NAV3: variants seen among roughly 807,000 people sequenced by gnomAD.
NAV3 encodes the protein pore membrane and/or filament interacting like protein 1.
NAV3 carries 87 observed loss-of-function variants against 244.7 expected under a neutral mutation model. That is an observed-to-expected ratio of 0.36 (90% CI 0.30 to 0.42). The LOEUF (loss-of-function observed/expected upper bound fraction) is 0.42, where lower values mean the gene tolerates loss of function less well. NAV3 is among the 20% of genes least tolerant of loss of function. NAV3 has a pLI of 1.00. For missense variants in NAV3, 2,663 were observed against 2,893.3 expected, an observed-to-expected ratio of 0.92 and a Z score of 1.83; for synonymous variants, 1,126 against 1,042.2, an observed-to-expected ratio of 1.08 and a Z score of -1.55.
intron 2 of NAV3, among the ~76,000 whole-genome samples, chr12:77,707,280 T>G: frequency 6.8e-6 from 1 of 146,320 alleles, no homozygotes; most frequent in Admixed American, 6.9e-5. Flanking sequence ...CATTGTTCAA[T>G]TCCCATCTAT....
chr12:77,838,759 A>G (rs916115722), intron 1 of NAV3, among the ~76,000 whole-genome samples: 2 of 152,360 alleles, frequency 1.3e-5, no homozygotes, highest in African/African-American at 4.8e-5. Context: ...ATTAAGTGGT[A>G]TAATTAAAAG....
chr12:78,023,002 T>C (rs1436505162), intron 9 of NAV3, among the ~76,000 whole-genome samples: 2 of 152,090 alleles, frequency 1.3e-5, no homozygotes, highest in Non-Finnish European at 2.9e-5. Context: ...TTCAAATACA[T>C]GGGGGATGTG....
Position 78,007,005 on chromosome 12 carries a change from T to G in NAV3, c.1467T>G (p.Asp489Glu), listed in dbSNP as rs746544935. The change falls in exon 8 of 40, where the codon GAT (aspartate) becomes GAG (glutamate). Residue 489 changes from aspartate to glutamate, a missense_variant. Physicochemically the swap from Asp to Glu is conservative, Grantham distance 45 (BLOSUM62 2). Coordinates refer to ENST00000397909, the MANE Select transcript of NAV3 (RefSeq NM_001024383.2). The stretch of plus-strand genomic sequence containing the variant: ...AAAAACCAGTCAAAGAAGAGAAGGA[T>G]CAGGTGACAGAGATGGCTCCAAAAA... ...CTEKPVKEEKDQVTEMAPKKT... is the reference protein window; with the variant it reads ...CTEKPVKEEKEQVTEMAPKKT... 1.2e-6 allele frequency: 2 copies of G among 1,613,946 alleles called. No individual in the cohort carries two copies. The highest frequency in any genetic ancestry group is 4.5e-5 in the East Asian group (2 of 44,872).
intron 34 of NAV3, 94 bp from the exon 35 acceptor site, chr12:78,197,153 A>G: frequency 1.1e-6 from 1 of 917,986 alleles, no homozygotes. Flanking sequence ...AAGAAACGGA[A>G]TAGAGGACAA....
At chr12:78,088,307 T>G (rs1319627766) in intron 12 of NAV3, among the ~76,000 whole-genome samples, 1 of 152,040 alleles carries the variant, frequency 6.6e-6, no homozygotes, top group Non-Finnish European at 1.5e-5. Context: ...AAATATAAAA[T>G]TCATTCAATT....
chr12:77,659,178 C>A (rs555797503), intron 2 of NAV3, among the ~76,000 whole-genome samples: 1 of 151,618 alleles, frequency 6.6e-6, no homozygotes, highest in Non-Finnish European at 1.5e-5. Context: ...AGGCAACCCA[C>A]AAAATGGGAG....
intron 12 of NAV3, among the ~76,000 whole-genome samples, chr12:78,085,336 C>A (rs941925595): frequency 6.6e-6 from 1 of 152,084 alleles, no homozygotes; most frequent in African/African-American, 2.4e-5. Context: ...TTTCTTGAGA[C>A]AGAGGGGAAG....
intron 20 of NAV3, among the ~76,000 whole-genome samples, chr12:78,144,871 G>A (rs1426803365): frequency 2.5e-5 from 3 of 119,330 alleles, no homozygotes; most frequent in African/African-American, 9.7e-5. Flanking sequence ...AGTGAGTTGT[G>A]AATGCGCAGT....
At chr12:78,154,292 T>C (rs894017930) in intron 22 of NAV3, among the ~76,000 whole-genome samples, 1 of 142,286 alleles carries the variant, frequency 7.0e-6, no homozygotes, top group Non-Finnish European at 1.5e-5. Flanking sequence ...TATACTACTA[T>C]ATATTACTAT....
chr12:77,630,165 C>A (rs557211779), intron 2 of NAV3, among the ~76,000 whole-genome samples: 24 of 152,272 alleles, frequency 1.6e-4, no homozygotes, highest in African/African-American at 5.8e-4. Context: ...CAGCTAGATT[C>A]TCTTCCAGAA....
intron 2 of NAV3, among the ~76,000 whole-genome samples, chr12:77,662,438 T>C (rs1345466574): frequency 1.3e-5 from 2 of 152,050 alleles, no homozygotes; most frequent in Non-Finnish European, 2.9e-5. Flanking sequence ...CAATTCATTT[T>C]TGTATATTGA....
intron 2 of NAV3, among the ~76,000 whole-genome samples, chr12:77,794,849 A>G (rs1200653344): frequency 6.6e-6 from 1 of 152,250 alleles, no homozygotes; most frequent in South Asian, 2.1e-4. Context: ...AAAAATGGCA[A>G]ACTTAATTGA....
chr12:78,152,066 A>G, intron 22 of NAV3, among the ~76,000 whole-genome samples: 1 of 151,634 alleles, frequency 6.6e-6, no homozygotes, highest in Admixed American at 6.6e-5. Flanking sequence ...TTAATTTCCC[A>G]GGAGTTTCAA....
At chr12:78,067,194 A>G (rs1885118121) in intron 12 of NAV3, among the ~76,000 whole-genome samples, 1 of 152,132 alleles carries the variant, frequency 6.6e-6, no homozygotes, top group Non-Finnish European at 1.5e-5. Context: ...TTCCAGTACA[A>G]TCACAGAATT....
At chr12:77,795,654 G>A (rs1382744475) in intron 2 of NAV3, among the ~76,000 whole-genome samples, 1 of 152,068 alleles carries the variant, frequency 6.6e-6, no homozygotes, top group Non-Finnish European at 1.5e-5. Context: ...CTTTCATAAC[G>A]AAAAAGTCAA....
At chr12:77,611,442 A>AT (rs1185953105) in intron 2 of NAV3, among the ~76,000 whole-genome samples, 3 of 151,978 alleles carry the variant, frequency 2.0e-5, no homozygotes, top group South Asian at 4.1e-4. Flanking sequence ...AATACTAGCT[A>AT]TTTTTTCTCC....
At chr12:78,133,934 C>A (rs1156852526) in intron 18 of NAV3, among the ~76,000 whole-genome samples, 1 of 152,122 alleles carries the variant, frequency 6.6e-6, no homozygotes, top group Non-Finnish European at 1.5e-5. Flanking sequence ...CAGAAGAGGT[C>A]ATAGTTCTTG....
At position 78,118,270 on chromosome 12, in the gene NAV3, G is replaced by C. The variant is rs757784297; in HGVS notation, c.3013G>C (p.Ala1005Pro). The C allele has an allele frequency of 7.5e-6, 12 of 1,610,138 alleles. No homozygotes were observed. Among genetic ancestry groups the C allele is most frequent in the Admixed American group, 1.7e-5 (1 of 59,750 alleles). ...AQGGAPSRQK[A>P]GTSALKTPGK... is the part of the protein sequence containing the mutation. ...AGGAGGGGCGCCATCTAGGCAGAAA[G>C]CTGGAACAAGTGCACTCAAAACACC... The change falls in exon 14 of 40, where the codon GCT becomes CCT. Residue 1005 changes from alanine to proline, a missense_variant. By Grantham distance (27) the Ala-to-Pro change is conservative. This residue lies in a region of NAV3 where 1,521 missense variants were observed against 1,497.0 expected (regional missense o/e 1.02). Coordinates refer to ENST00000397909, the MANE Select transcript of NAV3 (RefSeq NM_001024383.2).
At chr12:78,109,686 G>A (rs1954987785) in intron 12 of NAV3, among the ~76,000 whole-genome samples, 2 of 151,738 alleles carry the variant, frequency 1.3e-5, no homozygotes, top group South Asian at 4.2e-4. Context: ...CAGAATATAA[G>A]ACAAATGAAT....
Sources: gnomAD v4.1 joint callset for allele counts (sites outside exome capture counted in the v4.1 genomes callset) on GRCh38, gnomAD v4.1.1 for gene constraint, gnomAD v4.1.1 regional missense constraint, MANE v1.5 for transcripts, NCBI Gene and HGNC (gene_info 2026-07-23, HGNC 2026-07-21) for gene names.